DIPK2B: variants seen among roughly 807,000 people sequenced by gnomAD.
DIPK2B encodes the protein divergent protein kinase domain 2B.
Under a neutral mutation model 22.2 loss-of-function variants are expected in DIPK2B, and 15 were observed. The ratio of observed to expected loss-of-function variants is 0.68; its 90% CI spans 0.45 to 1.04. The LOEUF is 1.04. Among genes scored for constraint, DIPK2B ranks in the 50% least tolerant of loss-of-function variants. The probability of loss-of-function intolerance (pLI) is 0.00; values close to 1 mark genes in which losing one functional copy is unlikely to be tolerated. For missense variants in DIPK2B, 345 were observed against 348.3 expected, an observed-to-expected ratio of 0.99 and a Z score of 0.08; for synonymous variants, 163 against 153.2, an observed-to-expected ratio of 1.06 and a Z score of -0.47.
chrX:45,194,823 G>A (rs2047230482), intron 1 of DIPK2B, among the ~76,000 whole-genome samples: 1 of 112,444 alleles, frequency 8.9e-6, no homozygotes, highest in Non-Finnish European at 1.9e-5. Flanking sequence ...TAGTGGTAGA[G>A]GAGGGCAGGT....
At chrX:45,156,621 G>A (rs2046997291) in intron 3 of DIPK2B, among the ~76,000 whole-genome samples, 1 of 111,493 alleles carries the variant, frequency 9.0e-6, no homozygotes, top group South Asian at 3.8e-4. Context: ...TATTGCTGAC[G>A]TTGGCTAAAA....
intron 2 of DIPK2B, among the ~76,000 whole-genome samples, chrX:45,164,787 G>C (rs941628948): frequency 3.6e-5 from 4 of 111,618 alleles, no homozygotes; most frequent in African/African-American, 1.3e-4. Context: ...AAAATTAAAA[G>C]TTAGCTGGGT....
intron 2 of DIPK2B, among the ~76,000 whole-genome samples, chrX:45,182,308 A>T (rs774844454): frequency 5.4e-5 from 6 of 112,001 alleles, no homozygotes; most frequent in African/African-American, 1.6e-4. Context: ...ATTCTATATC[A>T]TTAGTTATTA....
At chrX:45,179,392 A>G (rs1185535333) in intron 2 of DIPK2B, among the ~76,000 whole-genome samples, 1 of 111,118 alleles carries the variant, frequency 9.0e-6, no homozygotes, top group Non-Finnish European at 1.9e-5. Flanking sequence ...AATTACCCCT[A>G]AAGTGTGAAG....
chrX:45,181,825 T>C (rs1188371315), intron 2 of DIPK2B, among the ~76,000 whole-genome samples: 1 of 111,770 alleles, frequency 8.9e-6, no homozygotes, highest in Non-Finnish European at 1.9e-5. Context: ...AAATAAAATA[T>C]TTAAAAACTG....
chrX:45,177,274 T>C (rs1229811632), intron 2 of DIPK2B, among the ~76,000 whole-genome samples: 1 of 108,614 alleles, frequency 9.2e-6, no homozygotes, highest in Non-Finnish European at 1.9e-5. Context: ...GCCACTGCAC[T>C]TCATCTTGGG....
At chrX:45,153,828 A>G (rs2046974908) in intron 4 of DIPK2B, 82 bp downstream of exon 4, 1 of 889,621 alleles carries the variant, frequency 1.1e-6, no homozygotes, top group Non-Finnish European at 1.6e-6. Flanking sequence ...GCCCAATAGC[A>G]TGACCCCTGG....
intron 2 of DIPK2B, chrX:45,162,816 G>A: frequency 1.3e-6 from 1 of 754,371 alleles, no homozygotes; most frequent in Non-Finnish European, 1.6e-6. Context: ...CCCTTGGGAA[G>A]CCAGCCAACC....
intron 2 of DIPK2B, among the ~76,000 whole-genome samples, chrX:45,158,358 CTG>C (rs2047006500): frequency 9.0e-6 from 1 of 110,763 alleles, no homozygotes; most frequent in Non-Finnish European, 1.9e-5. Context: ...TTTGCATTAC[CTG>C]TGTCTCTACC....
chrX:45,167,178 T>C (rs185611969), intron 2 of DIPK2B, among the ~76,000 whole-genome samples: 3 of 112,122 alleles, frequency 2.7e-5, no homozygotes, highest in Non-Finnish European at 1.9e-5. Context: ...GAAAACTCTT[T>C]TTTGGTTTGT....
intron 2 of DIPK2B, among the ~76,000 whole-genome samples, chrX:45,189,673 T>A (rs951175730): frequency 1.6e-4 from 18 of 110,157 alleles, no homozygotes; most frequent in African/African-American, 5.0e-4. Context: ...GGCATGAAAG[T>A]GAGAAAGAGT....
Position 45,151,495 on chromosome X carries a change from C to T in DIPK2B, c.*157G>A. ...ACGTCCCAGCCAGCAGAGACAGCCA[C>T]GTGGTATCTCACAACTCCCCTCTCA... is the stretch of plus-strand genomic sequence containing the variant. On this transcript the variant is annotated 3_prime_UTR_variant, in exon 5 of 5. Transcript: ENST00000398000. The T allele has an allele frequency of 1.8e-6, 1 of 553,080 alleles. No homozygotes were observed. Among genetic ancestry groups the T allele is most frequent in the South Asian group, 3.2e-5 (1 of 31,017 alleles). The allele number at this position is 553,080 out of a possible 1,213,427, so 45.6% of individuals were successfully genotyped here. A position where few individuals can be genotyped will look rare whatever the true frequency, so the allele number is the denominator to read the frequency against.
intron 2 of DIPK2B, among the ~76,000 whole-genome samples, chrX:45,161,294 C>A (rs2047021572): frequency 8.9e-6 from 1 of 112,563 alleles, no homozygotes; most frequent in Admixed American, 9.4e-5. Flanking sequence ...GTTATCCCAG[C>A]ACTTCAGGAG....
intron 1 of DIPK2B, among the ~76,000 whole-genome samples, chrX:45,197,906 T>C (rs1428900691): frequency 8.9e-6 from 1 of 111,884 alleles, no homozygotes; most frequent in Non-Finnish European, 1.9e-5. Context: ...CTGTTTATAA[T>C]ACCAAAAAAT....
chrX:45,151,904 T>G lies in DIPK2B; in HGVS notation c.1050A>C (p.Glu350Asp). The G allele has an allele frequency of 8.3e-6, 10 of 1,208,332 alleles. No individual in the cohort carries two copies. The highest frequency in any genetic ancestry group is 1.1e-5 in the Non-Finnish European group (10 of 893,499). ...CCAGGCTCTGCTTCTCAGAGATGCT[T>G]TCGCAGGAGGGCAGCTGGGCCTGGC... Reference protein sequence around the residue: ...SGCQAQLPSCESISEKQSLVL... With the variant: ...SGCQAQLPSCDSISEKQSLVL... Residue 350 changes from glutamate to aspartate, a missense_variant, in exon 5 of 5, where the codon GAA becomes GAC. Transcript: ENST00000398000.
chrX:45,153,864 C>T, intron 4 of DIPK2B, 46 bp downstream of exon 4: 1 of 1,158,725 alleles, frequency 8.6e-7, no homozygotes, highest in South Asian at 1.9e-5. Flanking sequence ...TCCTGTCACC[C>T]TGACTTTCCC....
chrX:45,194,118 G>A (rs1221210600), intron 1 of DIPK2B, among the ~76,000 whole-genome samples: 2 of 112,021 alleles, frequency 1.8e-5, no homozygotes, highest in African/African-American at 3.2e-5. Context: ...TACAGATGAG[G>A]AAACTGAGGC....
rs1056490436 is a variant in DIPK2B at position 45,154,263 on chromosome X, ATC to A, written c.673-67_673-66del. On this transcript the variant is annotated intron_variant, in intron 3 of 4. Coordinates refer to ENST00000398000, the MANE Select transcript of DIPK2B (RefSeq NM_176819.4). ...GGTGACAGCTCTCTATCTGTCTATT[ATC>A]TCTATCTATCTCCCTATCTATCTAT... 44 of 892,464 alleles carry A rather than the reference ATC, an allele frequency of 4.9e-5. No homozygotes were observed. The Middle Eastern group carries it at 1.7e-3, about 35-fold the overall frequency. The allele number at this position is 892,464 out of a possible 1,213,427, so 73.5% of individuals were successfully genotyped here. A position where few individuals can be genotyped will look rare whatever the true frequency, so the allele number is the denominator to read the frequency against.
chrX:45,194,697 C>T (rs2047229820), intron 1 of DIPK2B, among the ~76,000 whole-genome samples: 1 of 111,761 alleles, frequency 8.9e-6, no homozygotes, highest in Non-Finnish European at 1.9e-5. Flanking sequence ...TGTCCCTTCC[C>T]CATCTTGTTT....
Sources: gnomAD v4.1 joint callset for allele counts (sites outside exome capture counted in the v4.1 genomes callset) on GRCh38, gnomAD v4.1.1 for gene constraint, MANE v1.5 for transcripts, NCBI Gene and HGNC (gene_info 2026-07-23, HGNC 2026-07-21) for gene names.